OR10A6: variants seen among roughly 807,000 people sequenced by gnomAD.
The protein encoded by OR10A6 is olfactory receptor family 10 subfamily A member 6 (gene/pseudogene).
OR10A6 carries 2 observed loss-of-function variants against 1.5 expected under a neutral mutation model. The ratio of observed to expected loss-of-function variants is 1.31; its 90% CI spans 0.54 to 4.13. The LOEUF (loss-of-function observed/expected upper bound fraction) is 4.13. Ranked by LOEUF, OR10A6 falls within the 30% of genes most tolerant of loss-of-function variation. The probability of loss-of-function intolerance (pLI) is 0.07; values close to 1 mark genes in which losing one functional copy is unlikely to be tolerated. For synonymous variants in OR10A6, 169 were observed against 137.3 expected, an observed-to-expected ratio of 1.23 and a Z score of -1.61; for missense variants, 492 against 368.6, an observed-to-expected ratio of 1.33 and a Z score of -2.74.
rs1201848101 is a variant in OR10A6 at position 7,929,960 on chromosome 11, G to GTATATATA, written c.-1299_-1298insTATATATA. 2 of 19,112 alleles carry GTATATATA rather than the reference G, an allele frequency of 1.0e-4. No individual in the cohort carries two copies. Among genetic ancestry groups the GTATATATA allele is most frequent in the African/African-American group, 6.3e-4 (2 of 3,164 alleles). 1.2% of individuals were successfully genotyped at this position (19,112 alleles called of 1,614,324 possible). A position where few individuals can be genotyped will look rare whatever the true frequency, so the allele number is the denominator to read the frequency against. On this transcript the variant is annotated 5_prime_UTR_variant, in exon 4 of 4. Coordinates refer to ENST00000641238, the MANE Select transcript of OR10A6 (RefSeq NM_001004461.2). ...ATAAGCTCTAGTAAGGTATGTGTATGTGTATGTATATATATATATATATAT... is the reference window on the plus strand; with the variant it reads ...ATAAGCTCTAGTAAGGTATGTGTATGTATATATATGTATGTATATATATATATATATAT...
At position 7,924,625 on chromosome 11, in the gene OR10A6, G is replaced by A. The variant is rs1300705388; in HGVS notation, c.*3093C>T. The A allele has an allele frequency of 1.3e-5, 2 of 150,846 alleles. No individual in the cohort carries two copies. The highest frequency in any genetic ancestry group is 2.9e-5 in the Non-Finnish European group (2 of 67,864). 9.3% of individuals were successfully genotyped at this position (150,846 alleles called of 1,614,324 possible). A position where few individuals can be genotyped will look rare whatever the true frequency, so the allele number is the denominator to read the frequency against. The stretch of plus-strand genomic sequence containing the variant: ...GGGTTATGCTGTAACAGAAAACCTA[G>A]CAAATACTGGATTAAACAAAGACAA... On this transcript the variant is annotated 3_prime_UTR_variant, in exon 4 of 4. Coordinates refer to ENST00000641238, the MANE Select transcript of OR10A6 (RefSeq NM_001004461.2).
In OR10A6 at chr11:7,927,658, T is replaced by C. The variant is rs566757541; in HGVS notation, c.*60A>G. ...TGCAAACTTAATGAATCTAAATTTATTAAATTTAGATTGAATACAGTCATG... is the reference window on the plus strand; with the variant it reads ...TGCAAACTTAATGAATCTAAATTTACTAAATTTAGATTGAATACAGTCATG... On this transcript the variant is annotated 3_prime_UTR_variant, in exon 4 of 4. Transcript: ENST00000641238. 16 of 1,138,186 alleles carry C rather than the reference T, an allele frequency of 1.4e-5. No homozygotes were observed. Among genetic ancestry groups the C allele is most frequent in the Non-Finnish European group, 2.0e-5 (16 of 795,092 alleles). The allele number at this position is 1,138,186 out of a possible 1,614,324, so 70.5% of individuals were successfully genotyped here. A position where few individuals can be genotyped will look rare whatever the true frequency, so the allele number is the denominator to read the frequency against.
Position 7,925,023 on chromosome 11 carries a change from A to C in OR10A6, c.*2695T>G, listed in dbSNP as rs1329775873. ...GGGAAATTGGTTATTAACTGGATAC[A>C]TTACTGCCCTTAAGAAACTTGTTTT... On this transcript the variant is annotated 3_prime_UTR_variant, in exon 4 of 4. Coordinates refer to ENST00000641238, the MANE Select transcript of OR10A6 (RefSeq NM_001004461.2). 6.6e-6 allele frequency: 1 copy of C among 152,168 alleles called. No individual in the cohort carries two copies. Among genetic ancestry groups the C allele is most frequent in the Non-Finnish European group, 1.5e-5 (1 of 68,034 alleles). The allele number at this position is 152,168 out of a possible 1,614,324, so 9.4% of individuals were successfully genotyped here. A position where few individuals can be genotyped will look rare whatever the true frequency, so the allele number is the denominator to read the frequency against.
At position 7,928,489 on chromosome 11, in the gene OR10A6, G is replaced by C; in HGVS notation, c.174C>G (p.Pro58=). 6.2e-7 allele frequency: 1 copy of C among 1,613,874 alleles called. No homozygotes were observed. Among genetic ancestry groups the C allele is most frequent in the South Asian group, 1.1e-5 (1 of 91,050 alleles). The part of the protein sequence containing the change: ...IVSLDQSLHV[P]MYLFLLNLSV... ...ATAAGTTCAGGAGAAACAGGTACATGGGAACGTGGAGGCTCTGGTCTAGGG... is the reference window on the plus strand; with the variant it reads ...ATAAGTTCAGGAGAAACAGGTACATCGGAACGTGGAGGCTCTGGTCTAGGG... Residue 58 remains proline (P), a synonymous_variant, in exon 4 of 4, where the codon CCC becomes CCG. Coordinates refer to ENST00000641238, the MANE Select transcript of OR10A6 (RefSeq NM_001004461.2).
Position 7,927,615 on chromosome 11 carries a change from C to A in OR10A6, c.*103G>T. 1 of 719,236 alleles carries A rather than the reference C, an allele frequency of 1.4e-6. No individual in the cohort carries two copies. The highest frequency in any genetic ancestry group is 2.1e-5 in the South Asian group (1 of 46,796). 44.6% of individuals were successfully genotyped at this position (719,236 alleles called of 1,614,324 possible). A position where few individuals can be genotyped will look rare whatever the true frequency, so the allele number is the denominator to read the frequency against. ...AACTTGGAGAACACAATAAATTAGT[C>A]ATACTCATGCCAAAAAATGCAAACT... is the stretch of plus-strand genomic sequence containing the variant. On this transcript the variant is annotated 3_prime_UTR_variant, in exon 4 of 4. Coordinates refer to ENST00000641238, the MANE Select transcript of OR10A6 (RefSeq NM_001004461.2).
Position 7,927,677 on chromosome 11 carries a change from AG to A in OR10A6, c.*40del. On this transcript the variant is annotated 3_prime_UTR_variant, in exon 4 of 4. Coordinates refer to ENST00000641238, the MANE Select transcript of OR10A6 (RefSeq NM_001004461.2). ...AATTTATTAAATTTAGATTGAATAC[AG>A]TCATGCAGTGACTAAATCTTACATG... The A allele has an allele frequency of 7.8e-7, 1 of 1,278,368 alleles. No individual in the cohort carries two copies. Among genetic ancestry groups the A allele is most frequent in the Non-Finnish European group, 1.1e-6 (1 of 904,450 alleles). 79.2% of individuals were successfully genotyped at this position (1,278,368 alleles called of 1,614,324 possible).
intron 1 of OR10A6, 63 bp downstream of exon 1, chr11:7,931,134 A>G (rs1167582104): frequency 6.6e-6 from 1 of 152,218 alleles, no homozygotes; most frequent in Non-Finnish European, 1.5e-5. Flanking sequence ...CAACTATCAA[A>G]GAGGACAACT....
At position 7,929,755 on chromosome 11, in the gene OR10A6, T is replaced by TATAC. The variant is rs55811645; in HGVS notation, c.-1094_-1093insGTAT. On this transcript the variant is annotated 5_prime_UTR_variant, in exon 4 of 4. An upstream open reading frame in the 5' UTR loses its in-frame stop. Coordinates refer to ENST00000641238, the MANE Select transcript of OR10A6 (RefSeq NM_001004461.2). Reference sequence around the variant, plus strand: ...ATATATATATATATATATATATATATACACACACATGCACACATATATATA... The same window carrying TATAC: ...ATATATATATATATATATATATATATATACACACACACATGCACACATATATATA... The TATAC allele has an allele frequency of 3.8e-3, 365 of 97,092 alleles. 15 individuals carry two copies. Among genetic ancestry groups the TATAC allele is most frequent in the African/African-American group, 8.6e-3 (240 of 27,936 alleles). 6.0% of individuals were successfully genotyped at this position (97,092 alleles called of 1,614,324 possible). A position where few individuals can be genotyped will look rare whatever the true frequency, so the allele number is the denominator to read the frequency against.
In OR10A6 at chr11:7,929,755, T is replaced by TATATATATATATATATATAC. The variant is rs55811645; in HGVS notation, c.-1094_-1093insGTATATATATATATATATAT. On this transcript the variant is annotated 5_prime_UTR_variant, in exon 4 of 4. The change abolishes the stop of an existing upstream ORF in the 5' untranslated region. Coordinates refer to ENST00000641238, the MANE Select transcript of OR10A6 (RefSeq NM_001004461.2). ...ATATATATATATATATATATATATATACACACACATGCACACATATATATA... is the reference window on the plus strand; with the variant it reads ...ATATATATATATATATATATATATATATATATATATATATATATACACACACACATGCACACATATATATA... 606 of 96,478 alleles carry TATATATATATATATATATAC rather than the reference T, an allele frequency of 6.3e-3. 18 individuals carry two copies. Among genetic ancestry groups the TATATATATATATATATATAC allele is most frequent in the Non-Finnish European group, 8.5e-3 (380 of 44,482 alleles). 6.0% of individuals were successfully genotyped at this position (96,478 alleles called of 1,614,324 possible). A position where few individuals can be genotyped will look rare whatever the true frequency, so the allele number is the denominator to read the frequency against.
Position 7,928,736 on chromosome 11 carries a change from G to A in OR10A6, c.-74C>T. On this transcript the variant is annotated 5_prime_UTR_variant, in exon 4 of 4. Coordinates refer to ENST00000641238, the MANE Select transcript of OR10A6 (RefSeq NM_001004461.2). Reference sequence around the variant, plus strand: ...AATAAAGCCACAGTCCATTAGCTAAGAGTTCCAGTCTGCATTCACCCCAGA... The same window carrying A: ...AATAAAGCCACAGTCCATTAGCTAAAAGTTCCAGTCTGCATTCACCCCAGA... 9.0e-7 allele frequency: 1 copy of A among 1,105,924 alleles called. No homozygotes were observed. Among genetic ancestry groups the A allele is most frequent in the Non-Finnish European group, 1.2e-6 (1 of 802,370 alleles). 68.5% of individuals were successfully genotyped at this position (1,105,924 alleles called of 1,614,324 possible). A position where few individuals can be genotyped will look rare whatever the true frequency, so the allele number is the denominator to read the frequency against.
chr11:7,925,566 A>G lies in OR10A6; in HGVS notation c.*2152T>C, dbSNP rs1442091996. ...GATTTAGCTCTCTTAAGACATTTTT[A>G]TAAAGAATTTTTTTTAAGAAAAAAA... On this transcript the variant is annotated 3_prime_UTR_variant, in exon 4 of 4. Transcript: ENST00000641238. 2 of 133,164 alleles carry G rather than the reference A, an allele frequency of 1.5e-5. No individual in the cohort carries two copies. Among genetic ancestry groups the G allele is most frequent in the East Asian group, 4.9e-4 (2 of 4,068 alleles). 8.2% of individuals were successfully genotyped at this position (133,164 alleles called of 1,614,324 possible).
rs1002487751 is a variant in OR10A6 at position 7,929,219 on chromosome 11, C to T, written c.-557G>A. Reference sequence around the variant, plus strand: ...GAAAGAAAACAACATTCTGTAGAAACATAGAGGGGATTTGAATTTTCAACA... The same window carrying T: ...GAAAGAAAACAACATTCTGTAGAAATATAGAGGGGATTTGAATTTTCAACA... On this transcript the variant is annotated 5_prime_UTR_variant, in exon 4 of 4. It removes an upstream start codon present in the reference 5' UTR. Transcript: ENST00000641238. 1.3e-5 allele frequency: 2 copies of T among 152,122 alleles called. No individual in the cohort carries two copies. Among genetic ancestry groups the T allele is most frequent in the Non-Finnish European group, 2.9e-5 (2 of 68,050 alleles). The allele number at this position is 152,122 out of a possible 1,614,324, so 9.4% of individuals were successfully genotyped here. A position where few individuals can be genotyped will look rare whatever the true frequency, so the allele number is the denominator to read the frequency against.
rs149192400 is a variant in OR10A6, at chr11:7,928,004, C to A, written c.659G>T (p.Arg220Leu). Reference sequence around the variant, plus strand: ...CATCTTCAGGATGGCAAACAGAACTCGAATGTAAGACAAGAGTATCAACAA... The same window carrying A: ...CATCTTCAGGATGGCAAACAGAACTAGAATGTAAGACAAGAGTATCAACAA... The part of the protein sequence containing the change: ...PFLLILLSYI[R>L]VLFAILKMPS... The change falls in exon 4 of 4, where the codon CGA becomes CTA. Residue 220 changes from arginine (R) to leucine (L), a missense_variant. By Grantham distance (102) the Arg-to-Leu change is moderately radical (BLOSUM62 -2). Coordinates refer to ENST00000641238, the MANE Select transcript of OR10A6 (RefSeq NM_001004461.2). The A allele has an allele frequency of 1.2e-6, 2 of 1,613,634 alleles. No homozygotes were observed. Among genetic ancestry groups the A allele is most frequent in the African/African-American group, 2.7e-5 (2 of 74,808 alleles).
At position 7,926,054 on chromosome 11, in the gene OR10A6, T is replaced by G. The variant is rs1327891579; in HGVS notation, c.*1664A>C. The G allele has an allele frequency of 1.3e-5, 2 of 152,354 alleles. No homozygotes were observed. The highest frequency in any genetic ancestry group is 2.9e-5 in the Non-Finnish European group (2 of 68,044). The allele number at this position is 152,354 out of a possible 1,614,324, so 9.4% of individuals were successfully genotyped here. A position where few individuals can be genotyped will look rare whatever the true frequency, so the allele number is the denominator to read the frequency against. On this transcript the variant is annotated 3_prime_UTR_variant, in exon 4 of 4. Coordinates refer to ENST00000641238, the MANE Select transcript of OR10A6 (RefSeq NM_001004461.2). ...TATACCTACCCTTTCCTAATTGGTTTTTCTACACTGTCATGCCCACCTTTG... is the reference window on the plus strand; with the variant it reads ...TATACCTACCCTTTCCTAATTGGTTGTTCTACACTGTCATGCCCACCTTTG...
chr11:7,927,936 C>G lies in OR10A6; in HGVS notation c.727G>C (p.Ala243Pro). 1 of 1,613,780 alleles carries G rather than the reference C, an allele frequency of 6.2e-7. No homozygotes were observed. Among genetic ancestry groups the G allele is most frequent in the Non-Finnish European group, 8.5e-7 (1 of 1,179,932 alleles). The change falls in exon 4 of 4, where the codon GCT becomes CCT. Residue 243 changes from alanine (A) to proline (P), a missense_variant. Ala to Pro is a conservative substitution (Grantham distance 27, BLOSUM62 -1). Coordinates refer to ENST00000641238, the MANE Select transcript of OR10A6 (RefSeq NM_001004461.2). ...AATAGGGTCACAGATGTGAGGTGAG[C>G]GGCACAGGTGGAAAAGGCCTTTTGT... Reference protein sequence around the residue: ...GRQKAFSTCAAHLTSVTLFYG... With the variant: ...GRQKAFSTCAPHLTSVTLFYG...
chr11:7,928,148 T>A lies in OR10A6; in HGVS notation c.515A>T (p.Asn172Ile). The change falls in exon 4 of 4, where the codon AAT becomes ATT. Residue 172 changes from asparagine to isoleucine, a missense_variant. Asn to Ile is a moderately radical substitution (Grantham distance 149, BLOSUM62 -3). Coordinates refer to ENST00000641238, the MANE Select transcript of OR10A6 (RefSeq NM_001004461.2). The part of the protein sequence containing the change: ...WVSSFPFCGL[N>I]EINHISCETP... ...TTCACAAGATATATGGTTAATTTCA[T>A]TAAGGCCACAAAAGGGAAAACTAGA... The A allele has an allele frequency of 6.2e-7, 1 of 1,613,970 alleles. No individual in the cohort carries two copies. The highest frequency in any genetic ancestry group is 8.5e-7 in the Non-Finnish European group (1 of 1,179,960).
In OR10A6 at chr11:7,926,468, C is replaced by G. The variant is rs1206898946; in HGVS notation, c.*1250G>C. 6.6e-6 allele frequency: 1 copy of G among 152,220 alleles called. No homozygotes were observed. The highest frequency in any genetic ancestry group is 1.5e-5 in the Non-Finnish European group (1 of 68,026). 9.4% of individuals were successfully genotyped at this position (152,220 alleles called of 1,614,324 possible). A position where few individuals can be genotyped will look rare whatever the true frequency, so the allele number is the denominator to read the frequency against. Reference sequence around the variant, plus strand: ...TCATTACCCACAAGGTTCCAGCCTTCTTCTCATGAAATTTCTCTCTTTTTT... The same window carrying G: ...TCATTACCCACAAGGTTCCAGCCTTGTTCTCATGAAATTTCTCTCTTTTTT... On this transcript the variant is annotated 3_prime_UTR_variant, in exon 4 of 4. Coordinates refer to ENST00000641238, the MANE Select transcript of OR10A6 (RefSeq NM_001004461.2).
chr11:7,927,844 C>A lies in OR10A6; in HGVS notation c.819G>T (p.Val273=). ...KSGYSPETKK[V]MSLSYSLLTP... The stretch of plus-strand genomic sequence containing the variant: ...TCAGAAGTGAGTAAGACAATGACAT[C>A]ACTTTCTTGGTTTCCGGTGAGTAGC... Residue 273 remains valine, a synonymous_variant, in exon 4 of 4, where the codon GTG becomes GTT. Coordinates refer to ENST00000641238, the MANE Select transcript of OR10A6 (RefSeq NM_001004461.2). 6.2e-7 allele frequency: 1 copy of A among 1,613,962 alleles called. No homozygotes were observed. Among genetic ancestry groups the A allele is most frequent in the Non-Finnish European group, 8.5e-7 (1 of 1,179,942 alleles).
In OR10A6 at chr11:7,928,088, G is replaced by C. The variant is rs771205201; in HGVS notation, c.575C>G (p.Thr192Arg). ...GAATGCATAGATTTCAAACAAAAAC[G>C]TGTCTGCACATGCAAGTTCTAACAC... ...PAVLELACAD[T>R]FLFEIYAFTG... Residue 192 changes from threonine to arginine, a missense_variant, in exon 4 of 4, where the codon ACG (threonine) becomes AGG (arginine). Thr to Arg is a moderately conservative substitution (Grantham distance 71). Transcript: ENST00000641238. 6.2e-7 allele frequency: 1 copy of C among 1,613,810 alleles called. No individual in the cohort carries two copies. Among genetic ancestry groups the C allele is most frequent in the Admixed American group, 1.7e-5 (1 of 59,882 alleles).
Sources: gnomAD v4.1 joint callset for allele counts on GRCh38, gnomAD v4.1.1 for gene constraint, MANE v1.5 for transcripts, NCBI Gene and HGNC (gene_info 2026-07-23, HGNC 2026-07-21) for gene names.